LARP1B: variants seen among roughly 807,000 people sequenced by gnomAD.
The protein encoded by LARP1B is la-related protein 1B.
A neutral mutation model predicts 114.2 loss-of-function variants in LARP1B; 76 were observed. That is an observed-to-expected ratio of 0.67 (90% CI 0.55 to 0.81). The LOEUF (loss-of-function observed/expected upper bound fraction) is 0.81. Ranked by LOEUF, LARP1B falls within the 30% of genes least tolerant of loss-of-function variation. LARP1B has a pLI of 0.00. For synonymous variants in LARP1B, 345 were observed against 348.0 expected (o/e 0.99, Z 0.10); for missense variants, 1,014 against 1,075.8 (o/e 0.94, Z 0.80).
chr4:128,185,978 A>G (rs1453579088), intron 15 of LARP1B, among the ~76,000 whole-genome samples: 1 of 152,090 alleles, frequency 6.6e-6, no homozygotes, highest in Non-Finnish European at 1.5e-5. Flanking sequence ...TCAAAAATGA[A>G]TTGGCTGATA....
chr4:128,085,660 AC>A lies in LARP1B; in HGVS notation c.358+3356del, dbSNP rs1773194648. Among the ~76,000 whole-genome samples, 26 of 152,280 alleles carry A rather than the reference AC, an allele frequency of 1.7e-4. 1 individual carries two copies. In the South Asian group the frequency reaches 4.8e-3, roughly 28 times the overall value. ...TGGGATTACAAGCATGAGCCACCGC[AC>A]TTAGCTTCTCCCTCTTTATTGCCAA... is the stretch of plus-strand genomic sequence containing the variant. On this transcript the variant is annotated intron_variant, in intron 5 of 19. Coordinates refer to ENST00000326639, the MANE Select transcript of LARP1B (RefSeq NM_018078.4).
intron 5 of LARP1B, among the ~76,000 whole-genome samples, chr4:128,083,803 A>ACC (rs1158658923): frequency 3.2e-5 from 4 of 126,760 alleles, no homozygotes; most frequent in Admixed American, 2.4e-4. Flanking sequence ...CGGGGGGCTG[A>ACC]CCCCCCCACC....
At chr4:128,150,607 T>C (rs1732349802) in intron 11 of LARP1B, among the ~76,000 whole-genome samples, 2 of 151,878 alleles carry the variant, frequency 1.3e-5, no homozygotes, top group African/African-American at 2.4e-5. Context: ...TCATCTTTTT[T>C]CCCCCACTGA....
chr4:128,107,617 C>T (rs1002332956), intron 9 of LARP1B: 7 of 1,394,574 alleles, frequency 5.0e-6, no homozygotes, highest in East Asian at 2.6e-5. Context: ...TATCGTTTTC[C>T]CCTGTAAAAT....
At chr4:128,098,767 A>ATATATATTT (rs1328165907) in intron 8 of LARP1B, among the ~76,000 whole-genome samples, 9 of 35,028 alleles carry the variant, frequency 2.6e-4, no homozygotes, top group African/African-American at 1.1e-3. Flanking sequence ...ATATATATAT[A>ATATATATTT]TTTTTTTTTT....
At chr4:128,176,824 TA>T in intron 12 of LARP1B, 47 bp from the exon 13 acceptor site, 2 of 1,551,208 alleles carry the variant, frequency 1.3e-6, no homozygotes, top group African/African-American at 1.4e-5. Flanking sequence ...AATAAATGGA[TA>T]AAATGCAGAC....
At chr4:128,176,375 C>T (rs1428270863) in intron 12 of LARP1B, among the ~76,000 whole-genome samples, 1 of 150,664 alleles carries the variant, frequency 6.6e-6, no homozygotes, top group East Asian at 1.9e-4. Flanking sequence ...CTCACTGCAG[C>T]CTCCACCTGC....
At chr4:128,073,156 G>A (rs957061202) in intron 1 of LARP1B, among the ~76,000 whole-genome samples, 7 of 152,090 alleles carry the variant, frequency 4.6e-5, no homozygotes, top group Non-Finnish European at 1.5e-5. Context: ...GCTCATGCCT[G>A]TAATCCTGGC....
chr4:128,136,645 A>G (rs1257320703), intron 11 of LARP1B, among the ~76,000 whole-genome samples: 1 of 152,250 alleles, frequency 6.6e-6, no homozygotes, highest in Non-Finnish European at 1.5e-5. Context: ...ATTGCAGAGC[A>G]TTGTTCTTTT....
At chr4:128,101,839 G>T (rs867336715) in intron 8 of LARP1B, among the ~76,000 whole-genome samples, 1 of 152,142 alleles carries the variant, frequency 6.6e-6, no homozygotes, top group Non-Finnish European at 1.5e-5. Flanking sequence ...AGCCAACTCA[G>T]CTGCCGTTTT....
intron 8 of LARP1B, among the ~76,000 whole-genome samples, chr4:128,104,385 C>G (rs1781364134): frequency 6.6e-6 from 1 of 152,072 alleles, no homozygotes; most frequent in East Asian, 1.9e-4. Context: ...TGTTTACTTT[C>G]TGTTTTTTGG....
At chr4:128,063,835 T>G (rs564072836) in intron 1 of LARP1B, among the ~76,000 whole-genome samples, 1 of 152,232 alleles carries the variant, frequency 6.6e-6, no homozygotes, top group Non-Finnish European at 1.5e-5. Context: ...TGTAAATGAC[T>G]TGAACTTTTT....
intron 14 of LARP1B, 176 bp from the exon 15 acceptor site, chr4:128,179,227 TTTA>T: frequency 2.4e-6 from 1 of 423,428 alleles, no homozygotes; most frequent in South Asian, 6.0e-5. Context: ...AAGGACTTTA[TTTA>T]TTAAGTTTTG....
At chr4:128,212,912 CTTTTTTTTTT>C (rs1174891101), downstream of LARP1B, among the ~76,000 whole-genome samples, 2 of 83,740 alleles carry the variant, frequency 2.4e-5, no homozygotes, top group African/African-American at 4.8e-5. Flanking sequence ...AAATCTCTCT[CTTTTTTTTTT>C]TTTTTTTTTT....
intron 12 of LARP1B, among the ~76,000 whole-genome samples, chr4:128,167,198 G>A (rs1741497702): frequency 6.6e-6 from 1 of 151,656 alleles, no homozygotes; most frequent in Non-Finnish European, 1.5e-5. Context: ...ATCTTTCTAT[G>A]GTGATGATTT....
chr4:128,083,828 G>A (rs1771988031), intron 5 of LARP1B, among the ~76,000 whole-genome samples: 1 of 151,648 alleles, frequency 6.6e-6, no homozygotes. Flanking sequence ...TCCCGGACGG[G>A]GCGGCTGCCG....
intron 11 of LARP1B, among the ~76,000 whole-genome samples, chr4:128,137,697 A>G (rs1725983154): frequency 6.6e-6 from 1 of 151,180 alleles, no homozygotes; most frequent in Non-Finnish European, 1.5e-5. Flanking sequence ...AACATTTATC[A>G]TTTCTTTGTA....
chr4:128,143,504 A>G (rs539556836), intron 11 of LARP1B, among the ~76,000 whole-genome samples: 1 of 143,696 alleles, frequency 7.0e-6, no homozygotes, highest in South Asian at 2.5e-4. Context: ...CAATCTCTAA[A>G]TAATTCAAAA....
At position 128,179,442 on chromosome 4, in the gene LARP1B, C is replaced by T; in HGVS notation, c.1933C>T (p.Pro645Ser). 16 of 1,610,664 alleles carry T rather than the reference C, an allele frequency of 9.9e-6. No homozygotes were observed. The highest frequency in any genetic ancestry group is 1.0e-5 in the Non-Finnish European group (12 of 1,178,574). ...GAGAAAAACAAGGCATAGCACAAAT[C>T]CCCCTCTAGAGTGTCATGTTGGTTG... is the stretch of plus-strand genomic sequence containing the variant. ...RKRKTRHSTNPPLECHVGWVM... is the reference protein window; with the variant it reads ...RKRKTRHSTNSPLECHVGWVM... The change falls in exon 15 of 20, where the codon CCC becomes TCC. Residue 645 changes from proline to serine, a missense_variant. By Grantham distance (74) the Pro-to-Ser change is moderately conservative. Transcript: ENST00000326639.
Sources: allele counts gnomAD v4.1 joint callset (sites outside exome capture counted in the v4.1 genomes callset), GRCh38; gene constraint gnomAD v4.1.1; transcripts MANE v1.5; gene names NCBI Gene and HGNC (gene_info 2026-07-23, HGNC 2026-07-21).